Variants in CMIP observed in about 807,000 individuals in gnomAD.
CMIP encodes c-Maf inducing protein, also known as C-Maf-inducing protein.
A neutral mutation model predicts 97.3 loss-of-function variants in CMIP; 13 were observed. The observed-to-expected ratio is 0.13, with a 90% confidence interval of 0.09 to 0.21. The LOEUF (loss-of-function observed/expected upper bound fraction) is 0.21. Among genes scored for constraint, CMIP ranks in the 10% least tolerant of loss-of-function variants. The probability of loss-of-function intolerance (pLI) is 1.00; values close to 1 mark genes in which losing one functional copy is unlikely to be tolerated. For synonymous variants in CMIP, 538 were observed against 436.3 expected (o/e 1.23, Z -2.91); for missense variants, 847 against 1,024.9 (o/e 0.83, Z 2.37).
At chr16:81,495,376 G>T (rs573415317) in intron 1 of CMIP, 3 of 1,528,786 alleles carry the variant, frequency 2.0e-6, no homozygotes, top group Admixed American at 4.0e-5. Context: ...GGGCGTGCAT[G>T]GCATAACCGT....
chr16:81,445,451 C>A lies in CMIP; in HGVS notation c.210C>A (p.Thr70=), dbSNP rs1213643128. Residue 70 remains threonine (T), a synonymous_variant, in exon 1 of 21, where the codon ACC becomes ACA. Coordinates refer to ENST00000537098, the MANE Select transcript of CMIP (RefSeq NM_198390.3). The stretch of plus-strand genomic sequence containing the variant: ...TCTGTGTCATCCGGCACCCGCGGAC[C>A]TTTCTCAGCAAGATCCTCACCTCGA... The part of the protein sequence containing the change: ...IQVCVIRHPR[T]FLSKILTSKF... 1.9e-6 allele frequency: 3 copies of A among 1,578,910 alleles called. No individual in the cohort carries two copies. The highest frequency in any genetic ancestry group is 1.2e-5 in the South Asian group (1 of 86,386).
At chr16:81,570,323 G>A (rs1168368217) in intron 1 of CMIP, among the ~76,000 whole-genome samples, 1 of 152,166 alleles carries the variant, frequency 6.6e-6, no homozygotes, top group Non-Finnish European at 1.5e-5. Context: ...AGTGGCCTGG[G>A]AACTGGCAGT....
intron 1 of CMIP, among the ~76,000 whole-genome samples, chr16:81,588,839 T>C (rs1010456604): frequency 2.0e-5 from 3 of 152,096 alleles, no homozygotes; most frequent in African/African-American, 7.2e-5. Flanking sequence ...TCCCGTCGTC[T>C]TCCTGTGGCC....
At chr16:81,588,559 ACTT>A (rs1289831129) in intron 1 of CMIP, among the ~76,000 whole-genome samples, 1 of 152,034 alleles carries the variant, frequency 6.6e-6, no homozygotes, top group African/African-American at 2.4e-5. Flanking sequence ...ATCATTACCT[ACTT>A]CTTCTGAAAT....
At chr16:81,594,265 C>T (rs1256950833) in intron 1 of CMIP, among the ~76,000 whole-genome samples, 1 of 150,678 alleles carries the variant, frequency 6.6e-6, no homozygotes, top group Non-Finnish European at 1.5e-5. Flanking sequence ...CTACAGGCAC[C>T]CACCACCATG....
intron 1 of CMIP, among the ~76,000 whole-genome samples, chr16:81,483,052 G>T (rs1435203539): frequency 6.6e-6 from 1 of 152,252 alleles, no homozygotes; most frequent in Non-Finnish European, 1.5e-5. Flanking sequence ...CGGAAATATA[G>T]AATCTTGTCT....
Position 81,661,390 on chromosome 16 carries a change from C to T in CMIP, c.744+444C>T, listed in dbSNP as rs568795374. 3.9e-5 allele frequency among the ~76,000 whole-genome samples: 6 copies of T among 152,372 alleles called. No homozygotes were observed. The South Asian group carries it at 1.0e-3, about 26-fold the overall frequency. The stretch of plus-strand genomic sequence containing the variant: ...AGCAGGGCATCCGCTGCCGGGCACC[C>T]GGCGCCAGCCTTGCAGTGGGATTCA... On this transcript the variant is annotated intron_variant, in intron 6 of 20. Coordinates refer to ENST00000537098, the MANE Select transcript of CMIP (RefSeq NM_198390.3).
At chr16:81,548,707 A>G (rs2090597416) in intron 1 of CMIP, among the ~76,000 whole-genome samples, 2 of 151,650 alleles carry the variant, frequency 1.3e-5, no homozygotes, top group Non-Finnish European at 2.9e-5. Context: ...AAAGCCAGGC[A>G]TGGTGGTGTG....
At chr16:81,663,593 A>T (rs1307222518) in intron 6 of CMIP, among the ~76,000 whole-genome samples, 1 of 152,208 alleles carries the variant, frequency 6.6e-6, no homozygotes, top group Non-Finnish European at 1.5e-5. Flanking sequence ...CCCAGAGCGC[A>T]CAGCACCAAG....
At chr16:81,463,606 G>A (rs965274984) in intron 1 of CMIP, among the ~76,000 whole-genome samples, 1 of 152,180 alleles carries the variant, frequency 6.6e-6, no homozygotes, top group Non-Finnish European at 1.5e-5. Context: ...CGATTGCCAG[G>A]GCTGGACCGG....
intron 1 of CMIP, among the ~76,000 whole-genome samples, chr16:81,572,886 A>G (rs1442143118): frequency 6.6e-6 from 1 of 151,900 alleles, no homozygotes; most frequent in Non-Finnish European, 1.5e-5. Flanking sequence ...CCTCCCAGGA[A>G]CCCCCTCCGT....
chr16:81,572,630 C>G (rs1047762950), intron 1 of CMIP, among the ~76,000 whole-genome samples: 1 of 152,186 alleles, frequency 6.6e-6, no homozygotes, highest in African/African-American at 2.4e-5. Flanking sequence ...CCCCAGGGTG[C>G]CCGGCCCGCA....
chr16:81,485,426 G>A (rs1393110057), intron 1 of CMIP, among the ~76,000 whole-genome samples: 2 of 152,196 alleles, frequency 1.3e-5, no homozygotes, highest in Non-Finnish European at 2.9e-5. Flanking sequence ...TACTGCAAGT[G>A]GTTCTGGTTC....
intron 15 of CMIP, among the ~76,000 whole-genome samples, chr16:81,700,339 C>G (rs1225396698): frequency 6.6e-6 from 1 of 152,156 alleles, no homozygotes; most frequent in Non-Finnish European, 1.5e-5. Context: ...CAGGTCACCC[C>G]TCACCTGCTG....
Position 81,647,887 on chromosome 16 carries a change from G to A in CMIP, c.478-4316G>A, listed in dbSNP as rs148725941. Among the ~76,000 whole-genome samples, 5 of 149,548 alleles carry A rather than the reference G, an allele frequency of 3.3e-5. No homozygotes were observed. In the East Asian group the frequency reaches 6.0e-4, roughly 18 times the overall value. On this transcript the variant is annotated intron_variant, in intron 3 of 20. Coordinates refer to ENST00000537098, the MANE Select transcript of CMIP (RefSeq NM_198390.3). The stretch of plus-strand genomic sequence containing the variant: ...GGGAACAGGGGCCTGCCTGCAGCCC[G>A]CACCCACAACGCCGTAGCCCACCCT...
In CMIP at chr16:81,445,429, G is replaced by T; in HGVS notation, c.188G>T (p.Cys63Phe). The change falls in exon 1 of 21, where the codon TGT becomes TTT. Residue 63 changes from cysteine (C) to phenylalanine (F), a missense_variant. By Grantham distance (205) the Cys-to-Phe change is radical (BLOSUM62 -2). Coordinates refer to ENST00000537098, the MANE Select transcript of CMIP (RefSeq NM_198390.3). Reference protein sequence around the residue: ...KLLQEGDIQVCVIRHPRTFLS... With the variant: ...KLLQEGDIQVFVIRHPRTFLS... ...CTGCAGGAGGGCGACATTCAGGTCT[G>T]TGTCATCCGGCACCCGCGGACCTTT... 1 of 1,594,870 alleles carries T rather than the reference G, an allele frequency of 6.3e-7. No homozygotes were observed.
chr16:81,695,830 A>G (rs923844256), intron 13 of CMIP: 1 of 153,100 alleles, frequency 6.5e-6, no homozygotes, highest in African/African-American at 2.4e-5. Flanking sequence ...AGCCACGGAC[A>G]GATCCTTCAG....
At chr16:81,595,307 T>G (rs1028908258) in intron 1 of CMIP, among the ~76,000 whole-genome samples, 2 of 152,112 alleles carry the variant, frequency 1.3e-5, no homozygotes, top group Non-Finnish European at 2.9e-5. Flanking sequence ...ATTCTGGACA[T>G]CTTACATAAT....
At chr16:81,500,102 C>G (rs551427495) in intron 1 of CMIP, among the ~76,000 whole-genome samples, 12 of 152,360 alleles carry the variant, frequency 7.9e-5, no homozygotes, top group African/African-American at 2.9e-4. Flanking sequence ...CTTTCCCTCC[C>G]TCACTCTGTG....
Sources: gnomAD v4.1 joint callset for allele counts (sites outside exome capture counted in the v4.1 genomes callset) on GRCh38, gnomAD v4.1.1 for gene constraint, MANE v1.5 for transcripts, NCBI Gene and HGNC (gene_info 2026-07-23, HGNC 2026-07-21) for gene names.